HPCAL1: variants seen among roughly 807,000 people sequenced by gnomAD.
HPCAL1 encodes hippocalcin-like protein 1.
A neutral mutation model predicts 17.1 loss-of-function variants in HPCAL1; 8 were observed. The observed-to-expected ratio is 0.47, with a 90% CI of 0.27 to 0.84. HPCAL1 has a LOEUF of 0.84. Among genes scored for constraint, HPCAL1 ranks in the 40% least tolerant of loss-of-function variants. The probability of loss-of-function intolerance (pLI) is 0.13; values close to 1 mark genes in which losing one functional copy is unlikely to be tolerated. For missense variants in HPCAL1, 165 were observed against 271.1 expected (o/e 0.61, Z 2.75); for synonymous variants, 112 against 111.4 (o/e 1.01, Z -0.03).
rs553056709 is a variant in HPCAL1 at position 10,339,638 on chromosome 2, C to T, written c.-111+36461C>T. ...TGTTGGGATTACAGGCGTGAGCCACCGCGCCCAGCCATATTTGAACTCTTT... is the reference window on the plus strand; with the variant it reads ...TGTTGGGATTACAGGCGTGAGCCACTGCGCCCAGCCATATTTGAACTCTTT... On this transcript the variant is annotated intron_variant, in intron 1 of 4. Transcript: ENST00000307845. Among the ~76,000 whole-genome samples the T allele has an allele frequency of 1.1e-4, 17 of 152,296 alleles. No individual in the cohort carries two copies. The South Asian group carries it at 1.2e-3, about 11-fold the overall frequency.
chr2:10,352,970 G>A (rs1026305619), intron 1 of HPCAL1, among the ~76,000 whole-genome samples: 10 of 152,210 alleles, frequency 6.6e-5, no homozygotes, highest in Non-Finnish European at 1.5e-4. Flanking sequence ...GTCACTGAAC[G>A]AGAAGACTCT....
chr2:10,406,726 G>A (rs1036569535), intron 2 of HPCAL1, among the ~76,000 whole-genome samples: 2 of 152,256 alleles, frequency 1.3e-5, no homozygotes, highest in Admixed American at 6.5e-5. Flanking sequence ...CCTGGCATCC[G>A]GCACCCTTCA....
chr2:10,403,543 G>C (rs2125595334), intron 2 of HPCAL1, among the ~76,000 whole-genome samples: 1 of 151,898 alleles, frequency 6.6e-6, no homozygotes, highest in East Asian at 1.9e-4. Flanking sequence ...GAGTGCAGTA[G>C]TGTGATCTTG....
intron 4 of HPCAL1, chr2:10,425,995 C>T (rs1165740251): frequency 1.3e-5 from 2 of 152,262 alleles, no homozygotes; most frequent in Non-Finnish European, 2.9e-5. Flanking sequence ...AGCTCATTGA[C>T]AGCGGTTATG....
At chr2:10,397,467 G>A (rs370449925) in intron 2 of HPCAL1, among the ~76,000 whole-genome samples, 11 of 151,198 alleles carry the variant, frequency 7.3e-5, no homozygotes, top group East Asian at 4.0e-4. Flanking sequence ...AGCAGTTACC[G>A]TAGGCTGCCG....
intron 1 of HPCAL1, among the ~76,000 whole-genome samples, chr2:10,319,344 G>A (rs1472020426): frequency 6.6e-5 from 10 of 152,318 alleles, no homozygotes; most frequent in Non-Finnish European, 8.8e-5. Flanking sequence ...GGAAGCCCCC[G>A]TGCCTGTGGG....
In HPCAL1 at chr2:10,343,193, C is replaced by T. The variant is rs995245778; in HGVS notation, c.-111+40016C>T. On this transcript the variant is annotated intron_variant, in intron 1 of 4. Transcript: ENST00000307845. The surrounding 1 kb of genome is among the most constrained non-coding windows in gnomAD (Gnocchi z 4.8). ...CTTCCATGGTAGTTGGTAAATAGCC[C>T]CATCACCCCTCTCCTGGGACCCTGG... Among the ~76,000 whole-genome samples, 1 of 152,100 alleles carries T rather than the reference C, an allele frequency of 6.6e-6. No individual in the cohort carries two copies. The highest frequency in any genetic ancestry group is 1.5e-5 in the Non-Finnish European group (1 of 68,014).
rs117517192 is a variant in HPCAL1 at position 10,414,126 on chromosome 2, G to A, written c.-24-5608G>A. ...ACTTGTGGTGAAGCGTGACTAATAGGTAAAGTATCTGACAAAATGGGCCCC... is the reference window on the plus strand; with the variant it reads ...ACTTGTGGTGAAGCGTGACTAATAGATAAAGTATCTGACAAAATGGGCCCC... On this transcript the variant is annotated intron_variant, in intron 2 of 4. Coordinates refer to ENST00000307845, the MANE Select transcript of HPCAL1 (RefSeq NM_002149.4). Among the ~76,000 whole-genome samples, 29 of 152,378 alleles carry A rather than the reference G, an allele frequency of 1.9e-4. No homozygotes were observed. In the East Asian group the frequency reaches 5.2e-3, roughly 27 times the overall value.
At chr2:10,426,379 G>A in intron 4 of HPCAL1, 1 of 260,070 alleles carries the variant, frequency 3.8e-6, no homozygotes, top group Non-Finnish European at 7.6e-6. Context: ...GTATGGGTTA[G>A]AGGCAAATGC....
At chr2:10,308,509 A>G (rs909988356) in intron 1 of HPCAL1, among the ~76,000 whole-genome samples, 1 of 152,084 alleles carries the variant, frequency 6.6e-6, no homozygotes, top group East Asian at 1.9e-4. Flanking sequence ...GTGTGTTTTC[A>G]TAGGTTCGGC....
At position 10,419,626 on chromosome 2, in the gene HPCAL1, G is replaced by A; in HGVS notation, c.-24-108G>A. 9.3e-7 allele frequency: 1 copy of A among 1,079,428 alleles called. No homozygotes were observed. 66.9% of individuals were successfully genotyped at this position (1,079,428 alleles called of 1,614,324 possible). On this transcript the variant is annotated intron_variant, in intron 2 of 4. Transcript: ENST00000307845. The surrounding 1 kb of genome is among the most constrained non-coding windows in gnomAD (Gnocchi z 5.0). ...TCCGATGGGGGACCCGGGAGTTGCT[G>A]AGTCGCAGCGCTTGCACAGCGATGG...
At chr2:10,378,493 CT>C (rs1003366014) in intron 1 of HPCAL1, among the ~76,000 whole-genome samples, 1 of 152,090 alleles carries the variant, frequency 6.6e-6, no homozygotes, top group Non-Finnish European at 1.5e-5. Flanking sequence ...TTGTCAGGTT[CT>C]GGGGAGGGCT....
chr2:10,355,691 T>C (rs1666113133), intron 1 of HPCAL1, among the ~76,000 whole-genome samples: 1 of 152,128 alleles, frequency 6.6e-6, no homozygotes, highest in African/African-American at 2.4e-5. Flanking sequence ...TCCTCCGTTC[T>C]TGCCCACTGT....
chr2:10,345,538 C>A (rs908973763), intron 1 of HPCAL1, among the ~76,000 whole-genome samples: 1 of 150,878 alleles, frequency 6.6e-6, no homozygotes, highest in African/African-American at 2.4e-5. Context: ...CCTACTGCAA[C>A]CTTGACTTCC....
chr2:10,411,434 T>C (rs944508972), intron 2 of HPCAL1, among the ~76,000 whole-genome samples: 1 of 152,196 alleles, frequency 6.6e-6, no homozygotes, highest in Non-Finnish European at 1.5e-5. Context: ...ATCTTCACTG[T>C]GTCCTCCCCT....
chr2:10,403,804 C>T (rs1669794727), intron 2 of HPCAL1, among the ~76,000 whole-genome samples: 1 of 151,796 alleles, frequency 6.6e-6, no homozygotes, highest in Admixed American at 6.6e-5. Context: ...CTTATCCGTT[C>T]ATTACAAACG....
intron 1 of HPCAL1, among the ~76,000 whole-genome samples, chr2:10,364,521 T>TC (rs1208835806): frequency 6.6e-6 from 1 of 151,152 alleles, no homozygotes; most frequent in Non-Finnish European, 1.5e-5. Context: ...GCTGCTTCCC[T>TC]CGGGATGGTT....
intron 1 of HPCAL1, among the ~76,000 whole-genome samples, chr2:10,317,030 C>T (rs1241928653): frequency 6.6e-6 from 1 of 152,220 alleles, no homozygotes; most frequent in East Asian, 1.9e-4. Context: ...GGCAGGAAGC[C>T]TGCTCGCCTA....
intron 2 of HPCAL1, among the ~76,000 whole-genome samples, chr2:10,398,090 C>T (rs1008167163): frequency 7.2e-5 from 11 of 152,192 alleles, no homozygotes; most frequent in African/African-American, 1.7e-4. Context: ...TGTCACTCAC[C>T]ACCCTGCCCC....
Sources: allele counts gnomAD v4.1 joint callset (sites outside exome capture counted in the v4.1 genomes callset), GRCh38; gene constraint gnomAD v4.1.1; non-coding constraint Gnocchi (gnomAD v3.1); transcripts MANE v1.5; gene names NCBI Gene and HGNC (gene_info 2026-07-23, HGNC 2026-07-21).